The following PTN variants were observed in gnomAD, a reference collection of about 807,000 sequenced individuals.
PTN encodes pleiotrophin.
A neutral mutation model predicts 24.1 loss-of-function variants in PTN; 18 were observed. The ratio of observed to expected loss-of-function variants is 0.75; its 90% CI spans 0.52 to 1.11. The LOEUF is 1.11. PTN is among the 50% of genes least tolerant of loss of function. The probability of loss-of-function intolerance (pLI) is 0.00; values close to 1 mark genes in which losing one functional copy is unlikely to be tolerated. For missense variants in PTN, 163 were observed against 198.8 expected (o/e 0.82, Z 1.08); for synonymous variants, 78 against 68.6 (o/e 1.14, Z -0.67).
chr7:137,334,757 G>A (rs1039617477), intron 1 of PTN, among the ~76,000 whole-genome samples: 22 of 151,462 alleles, frequency 1.5e-4, no homozygotes, highest in Admixed American at 1.1e-3. Flanking sequence ...TGTTTATCGC[G>A]GCACTATTCA....
chr7:137,230,124 T>G (rs1283325567), intron 4 of PTN, among the ~76,000 whole-genome samples: 1 of 151,842 alleles, frequency 6.6e-6, no homozygotes, highest in Non-Finnish European at 1.5e-5. Context: ...TCTGAGCAGA[T>G]GACATACTAA....
chr7:137,266,523 C>G (rs1026500364), intron 1 of PTN, among the ~76,000 whole-genome samples: 1 of 151,624 alleles, frequency 6.6e-6, no homozygotes, highest in Non-Finnish European at 1.5e-5. Flanking sequence ...GCTCAACTTT[C>G]TGACTTATTA....
intron 4 of PTN, among the ~76,000 whole-genome samples, chr7:137,248,280 G>C (rs1808759451): frequency 6.6e-6 from 1 of 152,090 alleles, no homozygotes; most frequent in African/African-American, 2.4e-5. Flanking sequence ...TTACATTTTG[G>C]TTTAAACTAG....
chr7:137,246,284 A>G (rs2217491), intron 4 of PTN, among the ~76,000 whole-genome samples: 2,920 of 152,332 alleles, frequency 0.019, 102 homozygotes, highest in African/African-American at 0.068. Context: ...AGTATTCAGT[A>G]CAGTAACATG....
At chr7:137,309,293 T>C (rs1270750219) in intron 1 of PTN, among the ~76,000 whole-genome samples, 1 of 152,238 alleles carries the variant, frequency 6.6e-6, no homozygotes, top group Non-Finnish European at 1.5e-5. Flanking sequence ...TAAAATATTG[T>C]ATTGCTAATA....
Position 137,302,279 on chromosome 7 carries a change from T to C in PTN, c.-2+41160A>G, listed in dbSNP as rs115607700. On this transcript the variant is annotated intron_variant, in intron 1 of 4. Coordinates refer to ENST00000348225, the MANE Select transcript of PTN (RefSeq NM_002825.7). ...GCCATCAAGAATTTGACACAGCTAGTAAGAAACAAAACAGAGGCAACGTAC... is the reference window on the plus strand; with the variant it reads ...GCCATCAAGAATTTGACACAGCTAGCAAGAAACAAAACAGAGGCAACGTAC... Among the ~76,000 whole-genome samples the C allele has an allele frequency of 9.1e-3, 1,391 of 152,112 alleles. 25 individuals are homozygous for C. Among genetic ancestry groups the C allele is most frequent in the African/African-American group, 0.032 (1,323 of 41,548 alleles).
At chr7:137,248,528 A>G (rs1363527779) in intron 4 of PTN, among the ~76,000 whole-genome samples, 3 of 152,188 alleles carry the variant, frequency 2.0e-5, no homozygotes, top group Non-Finnish European at 2.9e-5. Context: ...TCTACTAAAA[A>G]GACAGAAAAA....
intron 1 of PTN, among the ~76,000 whole-genome samples, chr7:137,316,538 C>T (rs1810075235): frequency 6.6e-6 from 1 of 152,142 alleles, no homozygotes; most frequent in Admixed American, 6.5e-5. Flanking sequence ...AGGCCAAGGT[C>T]ACCTTTCATT....
chr7:137,324,309 C>T (rs187206320), intron 1 of PTN, among the ~76,000 whole-genome samples: 6 of 150,390 alleles, frequency 4.0e-5, no homozygotes, highest in African/African-American at 1.5e-4. Flanking sequence ...AAAGAAGGAC[C>T]GCCTAAGCCC....
At chr7:137,303,760 A>G (rs949520092) in intron 1 of PTN, among the ~76,000 whole-genome samples, 3 of 152,058 alleles carry the variant, frequency 2.0e-5, no homozygotes, top group African/African-American at 7.2e-5. Flanking sequence ...GACTATTTCT[A>G]TAGAATTTCT....
chr7:137,332,310 A>C (rs1356851644), intron 1 of PTN, among the ~76,000 whole-genome samples: 1 of 152,176 alleles, frequency 6.6e-6, no homozygotes, highest in Non-Finnish European at 1.5e-5. Context: ...TACCACGAAC[A>C]TGTATTTTTC....
In PTN at chr7:137,228,574, AG is replaced by A. The variant is rs1808374320; in HGVS notation, c.452-500del. Among the ~76,000 whole-genome samples, 3 of 151,736 alleles carry A rather than the reference AG, an allele frequency of 2.0e-5. No homozygotes were observed. In the Admixed American group the frequency reaches 2.0e-4, roughly 10 times the overall value. On this transcript the variant is annotated intron_variant, in intron 4 of 4. Coordinates refer to ENST00000348225, the MANE Select transcript of PTN (RefSeq NM_002825.7). ...AACAATTGCAAAGTGGTTCCACTCC[AG>A]GTCGGCCCTCTGCTTATATATTTGG...
chr7:137,267,854 T>G (rs989612445), intron 1 of PTN, among the ~76,000 whole-genome samples: 2 of 151,760 alleles, frequency 1.3e-5, no homozygotes, highest in Non-Finnish European at 2.9e-5. Flanking sequence ...GCAATCTAAG[T>G]CAAGTCAAAA....
chr7:137,268,218 G>A (rs1045428213), intron 1 of PTN, among the ~76,000 whole-genome samples: 3 of 152,048 alleles, frequency 2.0e-5, no homozygotes, highest in African/African-American at 7.2e-5. Context: ...ACCCGGGAGC[G>A]CTCTCAGGAT....
At chr7:137,330,575 G>T (rs113189413) in intron 1 of PTN, among the ~76,000 whole-genome samples, 51 of 152,248 alleles carry the variant, frequency 3.3e-4, no homozygotes, top group African/African-American at 1.2e-3. Context: ...ACTAAAGGTG[G>T]GGAGGACATG....
chr7:137,309,192 C>T (rs1809938990), intron 1 of PTN, among the ~76,000 whole-genome samples: 1 of 152,056 alleles, frequency 6.6e-6, no homozygotes, highest in Admixed American at 6.5e-5. Context: ...TTTTTGGTTC[C>T]CCAGTGCATA....
At position 137,260,831 on chromosome 7, in the gene PTN, C is replaced by T. The variant is rs536169601; in HGVS notation, c.-1-5857G>A. ...GGGTTTTGCTCTTTTGTGATGTTAG[C>T]AGCCATTGGTACTTAATGAGTATGG... On this transcript the variant is annotated intron_variant, in intron 1 of 4. Transcript: ENST00000348225. Among the ~76,000 whole-genome samples, 259 of 152,278 alleles carry T rather than the reference C, an allele frequency of 1.7e-3. 1 individual carries two copies. The highest frequency in any genetic ancestry group is 2.6e-3 in the Non-Finnish European group (177 of 68,006).
intron 4 of PTN, 102 bp downstream of exon 4, chr7:137,251,128 A>T (rs565685367): frequency 8.9e-6 from 12 of 1,344,236 alleles, no homozygotes; most frequent in Non-Finnish European, 1.1e-5. Context: ...TCACTTTCTT[A>T]AGGTAATTCA....
At position 137,343,730 on chromosome 7, in the gene PTN, G is replaced by C. The variant is rs1810575608; in HGVS notation, c.-293C>G. On this transcript the variant is annotated 5_prime_UTR_variant, in exon 1 of 5. Transcript: ENST00000348225. ...AGGGAGGGAACGGAAGGGAAATGGA[G>C]AATGGGAGGGATGAGAGGAGCGGGC... is the stretch of plus-strand genomic sequence containing the variant. The C allele has an allele frequency of 2.2e-6, 1 of 450,556 alleles. No individual in the cohort carries two copies. Among genetic ancestry groups the C allele is most frequent in the African/African-American group, 2.0e-5 (1 of 50,112 alleles). The allele number at this position is 450,556 out of a possible 1,614,324, so 27.9% of individuals were successfully genotyped here. A position where few individuals can be genotyped will look rare whatever the true frequency, so the allele number is the denominator to read the frequency against.
Sources: gnomAD v4.1 joint callset for allele counts (sites outside exome capture counted in the v4.1 genomes callset) on GRCh38, gnomAD v4.1.1 for gene constraint, MANE v1.5 for transcripts, NCBI Gene and HGNC (gene_info 2026-07-23, HGNC 2026-07-21) for gene names.